The following TMEM233 variants were observed in gnomAD, a reference collection of about 807,000 sequenced individuals.
TMEM233 encodes dispanin subfamily B member 2.
TMEM233 carries 6 observed loss-of-function variants against 11.2 expected under a neutral mutation model. The observed-to-expected ratio is 0.54, with a 90% CI of 0.29 to 1.06. The LOEUF (loss-of-function observed/expected upper bound fraction) is 1.06, where lower values mean the gene tolerates loss of function less well. Ranked by LOEUF, TMEM233 falls within the 50% of genes least tolerant of loss-of-function variation. The pLI is 0.08. For missense variants in TMEM233, 127 were observed against 144.7 expected, an observed-to-expected ratio of 0.88 and a Z score of 0.63; for synonymous variants, 59 against 55.8, an observed-to-expected ratio of 1.06 and a Z score of -0.26.
At chr12:119,651,388 G>A in the TMEM233 span, among the ~76,000 whole-genome samples, 1 of 152,142 alleles carries the variant, frequency 6.6e-6, no homozygotes, top group East Asian at 1.9e-4. Context: ...TCAGACAAAA[G>A]CCCCACTGTA....
At chr12:119,598,092 G>A (rs1308838655) in intron 1 of TMEM233, among the ~76,000 whole-genome samples, 2 of 152,132 alleles carry the variant, frequency 1.3e-5, no homozygotes, top group Non-Finnish European at 2.9e-5. Context: ...CCTGGAGAAA[G>A]AATATTTATT....
chr12:119,602,906 T>C lies in TMEM233; in HGVS notation c.186+8872T>C, dbSNP rs1038050925. ...AAGCTGGGTTATGGGAACATGGGGA[T>C]TTTATTATATTACCCTGTCAAACTG... On this transcript the variant is annotated intron_variant, in intron 1 of 2. Transcript: ENST00000426426. Among the ~76,000 whole-genome samples, 18 of 152,080 alleles carry C rather than the reference T, an allele frequency of 1.2e-4. No individual in the cohort carries two copies. The South Asian group carries it at 2.3e-3, about 19-fold the overall frequency.
intron 1 of TMEM233, among the ~76,000 whole-genome samples, chr12:119,597,699 T>G (rs73221222): frequency 0.023 from 3,573 of 152,270 alleles, 53 homozygotes; most frequent in Non-Finnish European, 0.033. Flanking sequence ...GGTTAGGAGG[T>G]GGCACACTAC....
chr12:119,615,161 C>T (rs887478478), intron 1 of TMEM233, among the ~76,000 whole-genome samples: 1 of 109,838 alleles, frequency 9.1e-6, no homozygotes, highest in Non-Finnish European at 1.7e-5. Flanking sequence ...TCTCAGTCTA[C>T]CCGCTTTCTG....
Position 119,640,810 on chromosome 12 carries a change from T to C in TMEM233, c.*105T>C. 1 of 1,333,252 alleles carries C rather than the reference T, an allele frequency of 7.5e-7. No individual in the cohort carries two copies. The highest frequency in any genetic ancestry group is 1.0e-6 in the Non-Finnish European group (1 of 957,636). 82.6% of individuals were successfully genotyped at this position (1,333,252 alleles called of 1,614,324 possible). A position where few individuals can be genotyped will look rare whatever the true frequency, so the allele number is the denominator to read the frequency against. ...ATCCTTGACTTCAGACTGTGAGATCTTTTCCTCCAGGACTCTCCAGAGGCA... is the reference window on the plus strand; with the variant it reads ...ATCCTTGACTTCAGACTGTGAGATCCTTTCCTCCAGGACTCTCCAGAGGCA... On this transcript the variant is annotated 3_prime_UTR_variant, in exon 3 of 3. Transcript: ENST00000426426.
At chr12:119,607,998 T>A (rs995682426) in intron 1 of TMEM233, among the ~76,000 whole-genome samples, 3 of 152,214 alleles carry the variant, frequency 2.0e-5, no homozygotes, top group African/African-American at 7.2e-5. Context: ...AACGCTTTTA[T>A]TCTGATATTT....
intron 2 of TMEM233, among the ~76,000 whole-genome samples, chr12:119,640,392 G>A (rs889174028): frequency 9.9e-5 from 15 of 152,040 alleles, no homozygotes; most frequent in East Asian, 1.9e-4. Flanking sequence ...TCCTGACCTC[G>A]TGATCCACCC....
At position 119,629,693 on chromosome 12, in the gene TMEM233, G is replaced by A. The variant is rs762234288; in HGVS notation, c.187-43G>A. The A allele has an allele frequency of 5.2e-6, 8 of 1,524,450 alleles. No individual in the cohort carries two copies. The South Asian group carries it at 8.8e-5, about 17-fold the overall frequency. 94.4% of individuals were successfully genotyped at this position (1,524,450 alleles called of 1,614,324 possible). ...CCTGAGGACCTCCATCCCTTTCCCT[G>A]TGGGTTATCTGTCATCACCAGCTCT... On this transcript the variant is annotated intron_variant, in intron 1 of 2. Transcript: ENST00000426426.
rs1482038130 is a variant in TMEM233, at chr12:119,595,073, C to T, written c.186+1039C>T. 6.6e-6 allele frequency among the ~76,000 whole-genome samples: 1 copy of T among 152,212 alleles called. No homozygotes were observed. The highest frequency in any genetic ancestry group is 2.4e-5 in the African/African-American group (1 of 41,462). On this transcript the variant is annotated intron_variant, in intron 1 of 2. Coordinates refer to ENST00000426426, the MANE Select transcript of TMEM233 (RefSeq NM_001136534.3). The surrounding 1 kb of genome is among the most constrained non-coding windows in gnomAD (Gnocchi z 4.3). ...CGCTGGGGCCTCTAGTCCGCCCTTCCGGAGCTCAGCTCCCTAGCCCTCTTC... is the reference window on the plus strand; with the variant it reads ...CGCTGGGGCCTCTAGTCCGCCCTTCTGGAGCTCAGCTCCCTAGCCCTCTTC...
At position 119,642,236 on chromosome 12, in the gene TMEM233, C is replaced by A. The variant is rs1224994269; in HGVS notation, c.*1531C>A. 1 of 152,142 alleles carries A rather than the reference C, an allele frequency of 6.6e-6. No homozygotes were observed. Among genetic ancestry groups the A allele is most frequent in the Non-Finnish European group, 1.5e-5 (1 of 68,038 alleles). 9.4% of individuals were successfully genotyped at this position (152,142 alleles called of 1,614,324 possible). A position where few individuals can be genotyped will look rare whatever the true frequency, so the allele number is the denominator to read the frequency against. ...TTGAGAGGCTGAGATCACTTAAGGT[C>A]AGGAGTTTGAGACCAGCCTGACCAA... On this transcript the variant is annotated 3_prime_UTR_variant, in exon 3 of 3. Coordinates refer to ENST00000426426, the MANE Select transcript of TMEM233 (RefSeq NM_001136534.3).
At chr12:119,635,394 T>A (rs1954951856) in intron 2 of TMEM233, among the ~76,000 whole-genome samples, 1 of 152,226 alleles carries the variant, frequency 6.6e-6, no homozygotes, top group Admixed American at 6.5e-5. Flanking sequence ...AGAACTACTA[T>A]CCTAGGGCTT....
At chr12:119,597,658 T>A (rs1794893763) in intron 1 of TMEM233, among the ~76,000 whole-genome samples, 3 of 152,134 alleles carry the variant, frequency 2.0e-5, no homozygotes, top group Admixed American at 2.0e-4. Context: ...TACCACCCCA[T>A]GTAGAACCAG....
intron 1 of TMEM233, among the ~76,000 whole-genome samples, chr12:119,627,164 G>A (rs985423489): frequency 6.6e-6 from 1 of 152,234 alleles, no homozygotes; most frequent in Non-Finnish European, 1.5e-5. Context: ...GCATGGAGAT[G>A]AAAAATTCAG....
At position 119,641,056 on chromosome 12, in the gene TMEM233, G is replaced by A; in HGVS notation, c.*351G>A. ...GGAAATCACATAACTTTTCACTGAG[G>A]GGATCCAGGGGGTCTCCATATAGGG... On this transcript the variant is annotated 3_prime_UTR_variant, in exon 3 of 3. Transcript: ENST00000426426. The A allele has an allele frequency of 3.8e-6, 1 of 259,862 alleles. No homozygotes were observed. The highest frequency in any genetic ancestry group is 9.6e-5 in the South Asian group (1 of 10,376). 16.1% of individuals were successfully genotyped at this position (259,862 alleles called of 1,614,324 possible). A position where few individuals can be genotyped will look rare whatever the true frequency, so the allele number is the denominator to read the frequency against.
chr12:119,648,787 G>T, the TMEM233 span, among the ~76,000 whole-genome samples: 1 of 152,076 alleles, frequency 6.6e-6, no homozygotes, highest in Non-Finnish European at 1.5e-5. Context: ...AGAGAGAAAT[G>T]GAAGAAGAAA....
At chr12:119,651,173 T>C in the TMEM233 span, among the ~76,000 whole-genome samples, 1 of 152,228 alleles carries the variant, frequency 6.6e-6, no homozygotes, top group East Asian at 1.9e-4. Flanking sequence ...AAATTTCAGA[T>C]AGAAGACAAA....
chr12:119,597,334 C>G (rs942392971), intron 1 of TMEM233, among the ~76,000 whole-genome samples: 1 of 152,142 alleles, frequency 6.6e-6, no homozygotes, highest in African/African-American at 2.4e-5. Context: ...GGGGCTGTCC[C>G]CCAGTGAAGA....
chr12:119,604,943 T>C (rs530834719), intron 1 of TMEM233, among the ~76,000 whole-genome samples: 1 of 152,086 alleles, frequency 6.6e-6, no homozygotes, highest in Non-Finnish European at 1.5e-5. Context: ...AAGTTAGGTG[T>C]TTTTAATGAG....
intron 2 of TMEM233, among the ~76,000 whole-genome samples, chr12:119,639,677 T>C (rs1465562898): frequency 2.6e-5 from 4 of 151,708 alleles, no homozygotes; most frequent in Middle Eastern, 6.8e-3. Flanking sequence ...ACTGCTGGAG[T>C]TCCAGTCCAG....
Sources: gnomAD v4.1 joint callset for allele counts (sites outside exome capture counted in the v4.1 genomes callset) on GRCh38, gnomAD v4.1.1 for gene constraint, Gnocchi (gnomAD v3.1) non-coding constraint, MANE v1.5 for transcripts, NCBI Gene and HGNC (gene_info 2026-07-23, HGNC 2026-07-21) for gene names.